The following EGFLAM variants were observed in gnomAD, a reference collection of about 807,000 sequenced individuals.
EGFLAM encodes EGF like, fibronectin type III and laminin G domains, also known as pikachurin.
EGFLAM carries 79 observed loss-of-function variants against 113.1 expected under a neutral mutation model. The observed-to-expected ratio is 0.70, with a 90% CI of 0.58 to 0.84. EGFLAM has a LOEUF of 0.84. Among genes scored for constraint, EGFLAM ranks in the 40% least tolerant of loss-of-function variants. EGFLAM has a pLI of 0.00. For synonymous variants in EGFLAM, 504 were observed against 487.6 expected (o/e 1.03, Z -0.44); for missense variants, 1,265 against 1,291.6 (o/e 0.98, Z 0.32).
chr5:38,291,421 C>T (rs1276051297), intron 1 of EGFLAM, among the ~76,000 whole-genome samples: 1 of 152,184 alleles, frequency 6.6e-6, no homozygotes, highest in Non-Finnish European at 1.5e-5. Flanking sequence ...CTTCTCTACT[C>T]ACCCAACCTC....
chr5:38,270,484 A>G (rs1479035091), intron 1 of EGFLAM, among the ~76,000 whole-genome samples: 2 of 96,402 alleles, frequency 2.1e-5, no homozygotes, highest in African/African-American at 5.1e-5. Flanking sequence ...ATAAACCATT[A>G]GTTTGGAAAA....
At chr5:38,337,418 A>G (rs1461186630) in intron 1 of EGFLAM, 102 bp from the exon 2 acceptor site, 2 of 1,053,702 alleles carry the variant, frequency 1.9e-6, no homozygotes, top group African/African-American at 1.6e-5. Flanking sequence ...ATCTTTAAGT[A>G]TGCTTTTCAT....
At chr5:38,388,737 G>T (rs1464355475) in intron 6 of EGFLAM, among the ~76,000 whole-genome samples, 5 of 149,174 alleles carry the variant, frequency 3.4e-5, no homozygotes, top group African/African-American at 1.2e-4. Flanking sequence ...TCCAGCCTGG[G>T]CAACAGAGTG....
chr5:38,305,436 G>C, intron 1 of EGFLAM: 1 of 454,666 alleles, frequency 2.2e-6, no homozygotes, highest in Non-Finnish European at 4.4e-6. Flanking sequence ...TCTCAGGAAG[G>C]TGTTGGAGGA....
chr5:38,349,305 G>A (rs1328953739), intron 3 of EGFLAM, among the ~76,000 whole-genome samples: 2 of 152,180 alleles, frequency 1.3e-5, no homozygotes, highest in Non-Finnish European at 2.9e-5. Context: ...CAGGGAAGGT[G>A]TCAAAGGGAG....
chr5:38,413,500 G>A lies in EGFLAM; in HGVS notation c.1494+852G>A, dbSNP rs539714764. Among the ~76,000 whole-genome samples the A allele has an allele frequency of 2.6e-5, 4 of 152,026 alleles. No homozygotes were observed. In the East Asian group the frequency reaches 7.7e-4, roughly 29 times the overall value. ...TGTAGGAAATGGTTAAAAAAAAAAA[G>A]TTGGACTGTTGGGCTACTCAGCAAA... On this transcript the variant is annotated intron_variant, in intron 11 of 21. Coordinates refer to ENST00000322350, the MANE Select transcript of EGFLAM (RefSeq NM_152403.4).
chr5:38,383,715 A>G (rs1028174357), intron 6 of EGFLAM, among the ~76,000 whole-genome samples: 32 of 152,248 alleles, frequency 2.1e-4, no homozygotes, highest in Middle Eastern at 3.4e-3. Context: ...GATAAGTGTC[A>G]AGAGGAAAAG....
At chr5:38,354,512 T>A (rs1244029096) in intron 5 of EGFLAM, among the ~76,000 whole-genome samples, 10 of 152,196 alleles carry the variant, frequency 6.6e-5, no homozygotes, top group Admixed American at 1.3e-4. Flanking sequence ...GCAGGTCACC[T>A]GAGGTCAGGA....
intron 1 of EGFLAM, 150 bp downstream of exon 1, chr5:38,259,001 C>T: frequency 1.2e-6 from 1 of 837,874 alleles, no homozygotes; most frequent in Non-Finnish European, 1.8e-6. Flanking sequence ...TGAGAAAAGA[C>T]GCAAACCTCG....
intron 14 of EGFLAM, among the ~76,000 whole-genome samples, chr5:38,428,895 G>C (rs1326505115): frequency 6.6e-6 from 1 of 152,246 alleles, no homozygotes; most frequent in Non-Finnish European, 1.5e-5. Flanking sequence ...TGATGAAAAT[G>C]AGGCAAGAGT....
intron 6 of EGFLAM, among the ~76,000 whole-genome samples, chr5:38,398,525 T>A (rs1741020422): frequency 6.6e-6 from 1 of 152,112 alleles, no homozygotes; most frequent in Non-Finnish European, 1.5e-5. Context: ...TGCACAGAAA[T>A]ATAAAAGAAT....
intron 1 of EGFLAM, among the ~76,000 whole-genome samples, chr5:38,331,257 C>T (rs1380228265): frequency 1.3e-5 from 2 of 152,158 alleles, no homozygotes; most frequent in African/African-American, 4.8e-5. Flanking sequence ...ATCATTCTCA[C>T]CCAAAGGCCA....
rs541768821 is a variant in EGFLAM, at chr5:38,283,760, T to C, written c.97+24909T>C. ...CAGAAGAAACACGTATGTAGTGGAG[T>C]TTCTGTTTTCATTAAGTAGTTCTTG... is the stretch of plus-strand genomic sequence containing the variant. On this transcript the variant is annotated intron_variant, in intron 1 of 21. Coordinates refer to ENST00000322350, the MANE Select transcript of EGFLAM (RefSeq NM_152403.4). Among the ~76,000 whole-genome samples, 4 of 152,218 alleles carry C rather than the reference T, an allele frequency of 2.6e-5. No individual in the cohort carries two copies. The South Asian group carries it at 6.2e-4, about 24-fold the overall frequency.
At chr5:38,446,385 C>CT in intron 17 of EGFLAM, among the ~76,000 whole-genome samples, 1 of 151,960 alleles carries the variant, frequency 6.6e-6, no homozygotes, top group East Asian at 1.9e-4. Flanking sequence ...TTCCTCGGCA[C>CT]TTTCTTTCCT....
chr5:38,299,693 G>A (rs866274439), intron 1 of EGFLAM, among the ~76,000 whole-genome samples: 15 of 152,106 alleles, frequency 9.9e-5, no homozygotes, highest in Non-Finnish European at 1.9e-4. Flanking sequence ...CTGAGTTCAT[G>A]CAAGATCTGG....
chr5:38,273,720 A>G (rs1231131095), intron 1 of EGFLAM, among the ~76,000 whole-genome samples: 1 of 152,238 alleles, frequency 6.6e-6, no homozygotes, highest in East Asian at 1.9e-4. Flanking sequence ...TAGGCTTACT[A>G]TTGAAGGACA....
Position 38,406,184 on chromosome 5 carries a change from TG to T in EGFLAM, c.773del (p.Gly258ValfsTer11), listed in dbSNP as rs1465931121. ...GPRYITDMGAGEDDEGFEDDL... is the reference protein window; with the variant it reads ...GPRYITDMGAXEDDEGFEDDL... ...CCCGTTATATCACCGACATGGGAGC[TG>T]GTGAGGATGATGAAGGATTTGAAGA... On this transcript the variant is annotated frameshift_variant, in exon 7 of 22. Coordinates refer to ENST00000322350, the MANE Select transcript of EGFLAM (RefSeq NM_152403.4). LOFTEE classifies it high-confidence loss of function. The T allele has an allele frequency of 6.2e-7, 1 of 1,614,010 alleles. No homozygotes were observed.
intron 1 of EGFLAM, among the ~76,000 whole-genome samples, chr5:38,267,857 G>C (rs938255778): frequency 3.3e-5 from 5 of 152,166 alleles, no homozygotes; most frequent in Admixed American, 2.0e-4. Flanking sequence ...ATTCACGCTA[G>C]AGGGTTCATT....
intron 1 of EGFLAM, among the ~76,000 whole-genome samples, chr5:38,263,428 C>T (rs1057478219): frequency 1.3e-5 from 2 of 152,146 alleles, no homozygotes; most frequent in South Asian, 4.1e-4. Context: ...CACCACTGCA[C>T]TCCACCCTGG....
Sources: allele counts gnomAD v4.1 joint callset (sites outside exome capture counted in the v4.1 genomes callset), GRCh38; gene constraint gnomAD v4.1.1; transcripts MANE v1.5; gene names NCBI Gene and HGNC (gene_info 2026-07-23, HGNC 2026-07-21).